Variants in MRPL19 observed in about 807,000 individuals in gnomAD.
The protein encoded by MRPL19 is mitochondrial ribosomal protein L19.
MRPL19 carries 31 observed loss-of-function variants against 34.0 expected under a neutral mutation model. The observed-to-expected ratio is 0.91, with a 90% confidence interval of 0.68 to 1.23. The LOEUF (loss-of-function observed/expected upper bound fraction) is 1.23. Among genes scored for constraint, MRPL19 ranks in the 50% most tolerant of loss-of-function variants. The probability of loss-of-function intolerance (pLI) is 0.00; values close to 1 mark genes in which losing one functional copy is unlikely to be tolerated. For missense variants in MRPL19, 384 were observed against 367.6 expected (o/e 1.04, Z -0.37); for synonymous variants, 152 against 127.7 (o/e 1.19, Z -1.28).
chr2:75,656,101 T>C lies in MRPL19; in HGVS notation c.*816T>C, dbSNP rs1391518296. 3 of 152,188 alleles carry C rather than the reference T, an allele frequency of 2.0e-5. No homozygotes were observed. The highest frequency in any genetic ancestry group is 3.9e-4 in the East Asian group (2 of 5,188). The allele number at this position is 152,188 out of a possible 1,614,324, so 9.4% of individuals were successfully genotyped here. Reference sequence around the variant, plus strand: ...ATCTGGCAGGATTATACTGGGTAGCTGGATGTTGCAGAAATGTGGTTAGAG... The same window carrying C: ...ATCTGGCAGGATTATACTGGGTAGCCGGATGTTGCAGAAATGTGGTTAGAG... On this transcript the variant is annotated 3_prime_UTR_variant, in exon 6 of 6. Coordinates refer to ENST00000393909, the MANE Select transcript of MRPL19 (RefSeq NM_014763.4).
At position 75,655,315 on chromosome 2, in the gene MRPL19, A is replaced by T; in HGVS notation, c.*30A>T. On this transcript the variant is annotated 3_prime_UTR_variant, in exon 6 of 6. Transcript: ENST00000393909. ...GAGAATGAATTTGGTTAGTTGCAGA[A>T]GATACATTGGCTCTAAGAGGATATA... 1 of 1,521,064 alleles carries T rather than the reference A, an allele frequency of 6.6e-7. No individual in the cohort carries two copies. The highest frequency in any genetic ancestry group is 1.4e-5 in the African/African-American group (1 of 73,126). 94.2% of individuals were successfully genotyped at this position (1,521,064 alleles called of 1,614,324 possible).
Position 75,646,836 on chromosome 2 carries a change from G to A in MRPL19, c.29G>A (p.Trp10Ter), listed in dbSNP as rs1678230538. The A allele has an allele frequency of 5.0e-6, 8 of 1,588,314 alleles. No homozygotes were observed. The East Asian group carries it at 1.6e-4, about 32-fold the overall frequency. Residue 10 changes from tryptophan (W) to a stop codon, truncating the protein, a stop_gained, in exon 1 of 6, where the codon TGG (tryptophan) becomes TAG (stop). Coordinates refer to ENST00000393909, the MANE Select transcript of MRPL19 (RefSeq NM_014763.4). LOFTEE classifies it high-confidence loss of function. MAACIAAGH[W>*]AAMGLGRSFQ... Reference sequence around the variant, plus strand: ...GCGGCCTGCATTGCAGCGGGGCACTGGGCTGCAATGGGCCTAGGCCGGAGT... The same window carrying A: ...GCGGCCTGCATTGCAGCGGGGCACTAGGCTGCAATGGGCCTAGGCCGGAGT...
intron 2 of MRPL19, chr2:75,651,283 G>T: frequency 2.0e-6 from 1 of 509,176 alleles, no homozygotes; most frequent in East Asian, 5.5e-5. Flanking sequence ...GACACGATGT[G>T]CTGCAGCTGT....
rs141385913 is a variant in MRPL19, at chr2:75,661,201, T to A, written c.*5916T>A. On this transcript the variant is annotated 3_prime_UTR_variant, in exon 6 of 6. Coordinates refer to ENST00000393909, the MANE Select transcript of MRPL19 (RefSeq NM_014763.4). ...TGTGGGGGAAGGGCAAGCAGAAATG[T>A]CACAAAGCTTTCTTGCCATTTTAAA... 1.3e-5 allele frequency: 2 copies of A among 152,340 alleles called. No homozygotes were observed. The highest frequency in any genetic ancestry group is 4.8e-5 in the African/African-American group (2 of 41,586). The allele number at this position is 152,340 out of a possible 1,614,324, so 9.4% of individuals were successfully genotyped here. A position where few individuals can be genotyped will look rare whatever the true frequency, so the allele number is the denominator to read the frequency against.
Position 75,646,875 on chromosome 2 carries a change from G to A in MRPL19, c.68G>A (p.Arg23Lys), listed in dbSNP as rs776324214. Residue 23 changes from arginine to lysine, a missense_variant, in exon 1 of 6, where the codon AGG becomes AAG. Arg to Lys is a conservative substitution (Grantham distance 26, BLOSUM62 2). Coordinates refer to ENST00000393909, the MANE Select transcript of MRPL19 (RefSeq NM_014763.4). ...MGLGRSFQAA[R>K]TLLPPPASIA... is the part of the protein sequence containing the mutation. ...CTAGGCCGGAGTTTCCAAGCCGCCA[G>A]GACTCTGCTCCCCCCGCCGGCCTCT... is the stretch of plus-strand genomic sequence containing the variant. The A allele has an allele frequency of 6.3e-7, 1 of 1,596,950 alleles. No individual in the cohort carries two copies. The highest frequency in any genetic ancestry group is 1.7e-5 in the Admixed American group (1 of 57,528).
In MRPL19 at chr2:75,655,230, C is replaced by T. The variant is rs752989988; in HGVS notation, c.824C>T (p.Thr275Ile). ...LEFDMMREYD[T>I]SKIEAAIWKE... is the part of the protein sequence containing the mutation. ...TTTGATATGATGAGGGAATATGATACTTCAAAAATTGAAGCTGCAATATGG... is the reference window on the plus strand; with the variant it reads ...TTTGATATGATGAGGGAATATGATATTTCAAAAATTGAAGCTGCAATATGG... The change falls in exon 6 of 6, where the codon ACT becomes ATT. Residue 275 changes from threonine to isoleucine, a missense_variant. Thr to Ile is a moderately conservative substitution (Grantham distance 89). Coordinates refer to ENST00000393909, the MANE Select transcript of MRPL19 (RefSeq NM_014763.4). The T allele has an allele frequency of 1.2e-6, 2 of 1,612,952 alleles. No homozygotes were observed. Among genetic ancestry groups the T allele is most frequent in the African/African-American group, 1.3e-5 (1 of 74,758 alleles).
At chr2:75,653,499 A>G (rs1678373993) in intron 4 of MRPL19, among the ~76,000 whole-genome samples, 1 of 152,206 alleles carries the variant, frequency 6.6e-6, no homozygotes, top group Non-Finnish European at 1.5e-5. Context: ...ACTGTGAGAT[A>G]CTGTATTTGA....
rs190250599 is a variant in MRPL19 at position 75,647,083 on chromosome 2, C to T, written c.104-19C>T. 308 of 1,569,396 alleles carry T rather than the reference C, an allele frequency of 2.0e-4. 1 individual carries two copies. The African/African-American group carries it at 3.7e-3, about 19-fold the overall frequency. On this transcript the variant is annotated intron_variant, in intron 1 of 5. Coordinates refer to ENST00000393909, the MANE Select transcript of MRPL19 (RefSeq NM_014763.4). ...AGGGTTGGCACGAGAGTTCTGACCT[C>T]CGTCGTCCGCTCCCGCAGGGGTCCA...
rs1678619734 is a variant in MRPL19 at position 75,661,493 on chromosome 2, A to T, written c.*6208A>T. Reference sequence around the variant, plus strand: ...TGTTTTTCAATGTGCCTACTCCACCATGTTGCTCAAGTATGTATATTTTCT... The same window carrying T: ...TGTTTTTCAATGTGCCTACTCCACCTTGTTGCTCAAGTATGTATATTTTCT... On this transcript the variant is annotated 3_prime_UTR_variant, in exon 6 of 6. Transcript: ENST00000393909. 3 of 152,060 alleles carry T rather than the reference A, an allele frequency of 2.0e-5. No individual in the cohort carries two copies. In the South Asian group the frequency reaches 6.2e-4, roughly 32 times the overall value. 9.4% of individuals were successfully genotyped at this position (152,060 alleles called of 1,614,324 possible).
At chr2:75,648,859 ACT>A (rs759895511) in intron 2 of MRPL19, among the ~76,000 whole-genome samples, 4 of 152,196 alleles carry the variant, frequency 2.6e-5, no homozygotes, top group South Asian at 2.1e-4. Flanking sequence ...ATAGAGCAAG[ACT>A]CTGTCTCAGA....
Position 75,658,940 on chromosome 2 carries a change from C to CTTGTT in MRPL19, c.*3668_*3672dup, listed in dbSNP as rs57326416. 0.48 allele frequency among the ~76,000 whole-genome samples: 72,888 copies of CTTGTT among 151,168 alleles called. 18,516 individuals carry two copies. The highest frequency in any genetic ancestry group is 0.67 in the African/African-American group (27,606 of 41,124). Reference sequence around the variant, plus strand: ...TCTCTTGTAGACAGCATATCACTATCTTGTTTTGTTTTGTTTTTTCTGTCC... The same window carrying CTTGTT: ...TCTCTTGTAGACAGCATATCACTATCTTGTTTTGTTTTGTTTTGTTTTTTCTGTCC... On this transcript the variant is annotated 3_prime_UTR_variant, in exon 6 of 6. Transcript: ENST00000393909.
At chr2:75,650,327 T>G (rs1022441890) in intron 2 of MRPL19, among the ~76,000 whole-genome samples, 1 of 152,186 alleles carries the variant, frequency 6.6e-6, no homozygotes, top group Admixed American at 6.5e-5. Flanking sequence ...GATTTCACCT[T>G]TGTAAGACTT....
chr2:75,654,959 TAAGA>T (rs764549461), intron 5 of MRPL19, 42 bp downstream of exon 5: 36 of 1,553,420 alleles, frequency 2.3e-5, no homozygotes, highest in Middle Eastern at 1.8e-4. Context: ...AAGTATAAAA[TAAGA>T]AAGAAAGAAT....
chr2:75,654,869 T>C lies in MRPL19; in HGVS notation c.609T>C (p.Asn203=). ...ALPEYSTFDV[N]MKPVVQEPNQ... ...CTGAATATAGCACTTTTGATGTGAA[T>C]ATGAAGCCAGTAGTACAAGAGCCTA... Residue 203 remains asparagine, a synonymous_variant, in exon 5 of 6, where the codon AAT becomes AAC. Transcript: ENST00000393909. The C allele has an allele frequency of 6.2e-7, 1 of 1,613,852 alleles. No homozygotes were observed. Among genetic ancestry groups the C allele is most frequent in the Non-Finnish European group, 8.5e-7 (1 of 1,179,882 alleles).
At position 75,654,840 on chromosome 2, in the gene MRPL19, C is replaced by T; in HGVS notation, c.580C>T (p.Leu194Phe). 6.2e-7 allele frequency: 1 copy of T among 1,613,810 alleles called. No individual in the cohort carries two copies. The highest frequency in any genetic ancestry group is 8.5e-7 in the Non-Finnish European group (1 of 1,179,882). Residue 194 changes from leucine (L) to phenylalanine (F), a missense_variant, in exon 5 of 6, where the codon CTT becomes TTT. By Grantham distance (22) the Leu-to-Phe change is conservative (BLOSUM62 0). Coordinates refer to ENST00000393909, the MANE Select transcript of MRPL19 (RefSeq NM_014763.4). ...TAGCTTGCTATACTTACGAGATGCC[C>T]TTCCTGAATATAGCACTTTTGATGT... Reference protein sequence around the residue: ...DDSLLYLRDALPEYSTFDVNM... With the variant: ...DDSLLYLRDAFPEYSTFDVNM...
At position 75,660,754 on chromosome 2, in the gene MRPL19, T is replaced by C. The variant is rs1183786703; in HGVS notation, c.*5469T>C. The C allele has an allele frequency of 6.6e-6, 1 of 152,224 alleles. No individual in the cohort carries two copies. Among genetic ancestry groups the C allele is most frequent in the Non-Finnish European group, 1.5e-5 (1 of 68,054 alleles). 9.4% of individuals were successfully genotyped at this position (152,224 alleles called of 1,614,324 possible). A position where few individuals can be genotyped will look rare whatever the true frequency, so the allele number is the denominator to read the frequency against. ...TTTTCCATTAATACTTAGCCAGGCT[T>C]GTACTGAGCCTAACAATCAGGCCCA... On this transcript the variant is annotated 3_prime_UTR_variant, in exon 6 of 6. Transcript: ENST00000393909.
chr2:75,647,734 C>T (rs914219253), intron 2 of MRPL19: 1 of 152,292 alleles, frequency 6.6e-6, no homozygotes, highest in Non-Finnish European at 1.5e-5. Flanking sequence ...CTTGGAGGTA[C>T]ATGTAAATTT....
At chr2:75,651,986 A>T in intron 2 of MRPL19, 156 bp from the exon 3 acceptor site, 1 of 495,350 alleles carries the variant, frequency 2.0e-6, no homozygotes, top group Non-Finnish European at 3.6e-6. Context: ...AGCTATTTTC[A>T]TGAGCATTAA....
chr2:75,647,264 G>A (rs2286239), intron 2 of MRPL19, 45 bp downstream of exon 2: 13 of 1,526,298 alleles, frequency 8.5e-6, no homozygotes, highest in Non-Finnish European at 1.1e-5. Flanking sequence ...GGGTCGGTGC[G>A]CGCGTGAGCG....
Sources: gnomAD v4.1 joint callset for allele counts (sites outside exome capture counted in the v4.1 genomes callset) on GRCh38, gnomAD v4.1.1 for gene constraint, MANE v1.5 for transcripts, NCBI Gene and HGNC (gene_info 2026-07-23, HGNC 2026-07-21) for gene names.